PMS2: variants seen among roughly 807,000 people sequenced by gnomAD.
PMS2 encodes the protein mismatch repair endonuclease PMS2.
In PMS2, 69 loss-of-function variants were observed where a neutral mutation model predicts 90.0. That is an observed-to-expected ratio of 0.77 (90% confidence interval 0.63 to 0.94). PMS2 has a LOEUF of 0.94. Ranked by LOEUF, PMS2 falls within the 40% of genes least tolerant of loss-of-function variation. The pLI, the probability that PMS2 is intolerant of heterozygous loss-of-function variation, is 0.00. For missense variants in PMS2, 966 were observed against 1,040.2 expected (o/e 0.93, Z 0.98); for synonymous variants, 332 against 375.1 (o/e 0.89, Z 1.33).
At position 5,984,346 on chromosome 7, in the gene PMS2, C is replaced by T. The variant is rs555588207; in HGVS notation, c.2007-1355G>A. ...AATCTGGACAAAAGACAGACACCACCGCTAACCTTCACACGAGAAATTGAC... is the reference window on the plus strand; with the variant it reads ...AATCTGGACAAAAGACAGACACCACTGCTAACCTTCACACGAGAAATTGAC... On this transcript the variant is annotated intron_variant, in intron 11 of 14. Coordinates refer to ENST00000265849, the MANE Select transcript of PMS2 (RefSeq NM_000535.7). Among the ~76,000 whole-genome samples the T allele has an allele frequency of 3.9e-5, 6 of 151,916 alleles. No homozygotes were observed. In the South Asian group the frequency reaches 1.2e-3, roughly 31 times the overall value.
intron 9 of PMS2, 102 bp from the exon 10 acceptor site, chr7:5,990,057 G>A (rs1355369643): frequency 8.0e-6 from 6 of 749,608 alleles, no homozygotes; most frequent in Non-Finnish European, 1.3e-5. Context: ...GCCTAGGCTG[G>A]AGTGCAGTGG....
chr7:5,978,349 C>A (rs1335379189), intron 13 of PMS2, among the ~76,000 whole-genome samples: 3 of 147,676 alleles, frequency 2.0e-5, no homozygotes, highest in Non-Finnish European at 3.0e-5. Flanking sequence ...CGGCTCACTG[C>A]AACCTCCACC....
chr7:6,007,322 G>A (rs926077950), intron 1 of PMS2, among the ~76,000 whole-genome samples: 3 of 151,922 alleles, frequency 2.0e-5, no homozygotes, highest in Non-Finnish European at 4.4e-5. Flanking sequence ...CACCATGTTG[G>A]CCAGGCTGGT....
At chr7:5,982,604 T>C (rs1290057105) in intron 12 of PMS2, among the ~76,000 whole-genome samples, 1 of 152,162 alleles carries the variant, frequency 6.6e-6, no homozygotes, top group Non-Finnish European at 1.5e-5. Flanking sequence ...CCCAAAGTGC[T>C]GGGATTACAG....
chr7:5,995,439 C>T, intron 8 of PMS2, 95 bp downstream of exon 8: 1 of 781,160 alleles, frequency 1.3e-6, no homozygotes. Flanking sequence ...TCTCAAAGTC[C>T]CGAGCTCCAC....
rs1554304728 is a variant in PMS2 at position 6,003,764 on chromosome 7, T to C, written c.279A>G (p.Gln93=). 6.2e-7 allele frequency: 1 copy of C among 1,604,850 alleles called. No homozygotes were observed. The highest frequency in any genetic ancestry group is 8.5e-7 in the Non-Finnish European group (1 of 1,178,688). ...CAACCTGAGTTAGGTCGGCAAACTC[T>C]TGAATCTTAGATGTGTGATGTTTCA... ...LTLKHHTSKI[Q]EFADLTQVET... The change falls in exon 4 of 15, where the codon CAA becomes CAG. Residue 93 remains glutamine (Q), a synonymous_variant. Transcript: ENST00000265849.
At chr7:5,988,878 C>G (rs1307182391) in intron 10 of PMS2, among the ~76,000 whole-genome samples, 1 of 151,960 alleles carries the variant, frequency 6.6e-6, no homozygotes, top group Non-Finnish European at 1.5e-5. Flanking sequence ...TTTTTTGAGA[C>G]GGAGTCTCGC....
At chr7:6,006,332 G>T (rs1366013926) in intron 1 of PMS2, among the ~76,000 whole-genome samples, 2 of 152,042 alleles carry the variant, frequency 1.3e-5, no homozygotes, top group Non-Finnish European at 2.9e-5. Context: ...AAAATCTTTG[G>T]CAACAATGGT....
intron 1 of PMS2, 182 bp from the exon 2 acceptor site, chr7:6,006,213 A>C (rs185146489): frequency 1.4e-6 from 1 of 704,530 alleles, no homozygotes; most frequent in African/African-American, 1.8e-5. Flanking sequence ...ATCCTTAAAC[A>C]TGTACCCAAA....
At chr7:5,982,091 C>T (rs1204773794) in intron 12 of PMS2, among the ~76,000 whole-genome samples, 2 of 151,774 alleles carry the variant, frequency 1.3e-5, no homozygotes, top group Admixed American at 6.6e-5. Context: ...TCTCGGCTCA[C>T]TGCAACCTCT....
rs1784832714 is a variant in PMS2 at position 5,999,273 on chromosome 7, C to T, written c.540G>A (p.Glu180=). ...HKEFQRNIKK[E]YAKMVQVLHA... ...GTAAGACCTGGACCATTTTGGCATA[C>T]TCCTGTTTAAAAAACACAAACACAA... Residue 180 remains glutamate (E), a splice_region_variant and synonymous_variant, in exon 6 of 15, where the codon GAG becomes GAA. Transcript: ENST00000265849. 6.2e-7 allele frequency: 1 copy of T among 1,613,474 alleles called. No homozygotes were observed. The highest frequency in any genetic ancestry group is 8.5e-7 in the Non-Finnish European group (1 of 1,179,470).
chr7:6,003,310 T>TAG (rs2128823214), intron 4 of PMS2: 1 of 146,564 alleles, frequency 6.8e-6, no homozygotes, highest in East Asian at 2.2e-4. Flanking sequence ...AAAAAAGATA[T>TAG]ATATATATAT....
At chr7:5,997,462 T>C (rs371175874) in intron 6 of PMS2, 39 bp from the exon 7 acceptor site, 20 of 1,157,072 alleles carry the variant, frequency 1.7e-5, no homozygotes, top group African/African-American at 1.1e-4. Flanking sequence ...TACTTCCTAA[T>C]AAAGACAGAG....
intron 9 of PMS2, among the ~76,000 whole-genome samples, chr7:5,990,489 G>A (rs1326109887): frequency 2.6e-5 from 4 of 151,946 alleles, no homozygotes; most frequent in Non-Finnish European, 5.9e-5. Context: ...GGCTTAATTA[G>A]GTAAATTGTT....
intron 12 of PMS2, 146 bp downstream of exon 12, chr7:5,982,678 C>T (rs574576802): frequency 2.3e-5 from 29 of 1,236,664 alleles, no homozygotes; most frequent in Non-Finnish European, 3.2e-5. Context: ...CTTCCTAGAT[C>T]TCTTCTTTTT....
rs878854056 is a variant in PMS2 at position 5,999,151 on chromosome 7, G to A, written c.662C>T (p.Pro221Leu). The A allele has an allele frequency of 6.2e-7, 1 of 1,613,980 alleles. No individual in the cohort carries two copies. The highest frequency in any genetic ancestry group is 8.5e-7 in the Non-Finnish European group (1 of 1,179,998). The change falls in exon 6 of 15, where the codon CCC becomes CTC. Residue 221 changes from proline to leucine, a missense_variant. Physicochemically the swap from Pro to Leu is moderately conservative, Grantham distance 98. Around this residue, in one of 2 missense-constraint regions of PMS2, gnomAD observed 871 missense variants for 802.4 expected, o/e 1.09. Transcript: ENST00000265849. ...RQPVVCTGGS[P>L]SIKENIGSVF... ...AGAGCCGATATTTTCCTTTATGCTG[G>A]GGCTTCCACCTGTGCATACCACAGG... is the stretch of plus-strand genomic sequence containing the variant.
Position 5,986,982 on chromosome 7 carries a change from C to T in PMS2, c.1783G>A (p.Val595Ile), listed in dbSNP as rs1171070752. The change falls in exon 11 of 15, where the codon GTA (valine) becomes ATA (isoleucine). Residue 595 changes from valine to isoleucine, a missense_variant. Coordinates refer to ENST00000265849, the MANE Select transcript of PMS2 (RefSeq NM_000535.7). ...LSSSDICQKL[V>I]NTQDMSASQV... ...GAGGCTGACATGTCCTGAGTATTTACTAACTTTTGACAAATGTCAGAACTG... is the reference window on the plus strand; with the variant it reads ...GAGGCTGACATGTCCTGAGTATTTATTAACTTTTGACAAATGTCAGAACTG... The T allele has an allele frequency of 1.9e-6, 3 of 1,614,030 alleles. No homozygotes were observed. Among genetic ancestry groups the T allele is most frequent in the Non-Finnish European group, 2.5e-6 (3 of 1,180,018 alleles).
At chr7:5,998,581 C>A (rs1391224572) in intron 6 of PMS2, among the ~76,000 whole-genome samples, 2 of 151,212 alleles carry the variant, frequency 1.3e-5, no homozygotes, top group South Asian at 2.1e-4. Flanking sequence ...GTAATCCCAG[C>A]TACTCAGGAG....
rs150861315 is a variant in PMS2, at chr7:5,981,992, A to C, written c.2174+832T>G. 9.1e-3 allele frequency among the ~76,000 whole-genome samples: 1,380 copies of C among 152,144 alleles called. 11 individuals are homozygous for C. The highest frequency in any genetic ancestry group is 0.015 in the Non-Finnish European group (1,022 of 68,024). ...TACTTATGGAAAAATACATATATAC[A>C]TATAGACACACATATAAACTATTAG... is the stretch of plus-strand genomic sequence containing the variant. On this transcript the variant is annotated intron_variant, in intron 12 of 14. Transcript: ENST00000265849.
Sources: allele counts gnomAD v4.1 joint callset (sites outside exome capture counted in the v4.1 genomes callset), GRCh38; gene constraint gnomAD v4.1.1; regional missense constraint gnomAD v4.1.1; transcripts MANE v1.5; gene names NCBI Gene and HGNC (gene_info 2026-07-23, HGNC 2026-07-21).